IL1RAPL2: variants seen among roughly 807,000 people sequenced by gnomAD.
IL1RAPL2 encodes interleukin 1 receptor accessory protein like 2, also known as X-linked interleukin-1 receptor accessory protein-like 2.
Under a neutral mutation model 44.1 loss-of-function variants are expected in IL1RAPL2, and 3 were observed. The observed-to-expected ratio is 0.07, with a 90% CI of 0.03 to 0.18. The LOEUF (loss-of-function observed/expected upper bound fraction) is 0.18. Ranked by LOEUF, IL1RAPL2 falls within the 10% of genes least tolerant of loss-of-function variation. IL1RAPL2 has a pLI of 1.00. For missense variants in IL1RAPL2, 391 were observed against 496.4 expected (o/e 0.79, Z 2.02); for synonymous variants, 181 against 178.8 (o/e 1.01, Z -0.10).
intron 1 of IL1RAPL2, among the ~76,000 whole-genome samples, chrX:104,593,600 A>G (rs1928708867): frequency 8.9e-6 from 1 of 112,176 alleles, no homozygotes; most frequent in Non-Finnish European, 1.9e-5. Flanking sequence ...AAAATAACAT[A>G]CAAGTCTGAC....
In IL1RAPL2 at chrX:104,983,524, T is replaced by G. The variant is rs920637145; in HGVS notation, c.83-211951T>G. On this transcript the variant is annotated intron_variant, in intron 2 of 10. Coordinates refer to ENST00000372582, the MANE Select transcript of IL1RAPL2 (RefSeq NM_017416.2). ...TAATATTATATAATATTATATTAGA[T>G]ACATAATATTATATAATATTATATT... Among the ~76,000 whole-genome samples, 47 of 97,801 alleles carry G rather than the reference T, an allele frequency of 4.8e-4. 1 individual carries two copies. The highest frequency in any genetic ancestry group is 5.4e-3 in the Middle Eastern group (1 of 185). The allele number at this position is 97,801 out of a possible 115,157, so 84.9% of individuals were successfully genotyped here.
intron 2 of IL1RAPL2, among the ~76,000 whole-genome samples, chrX:104,957,372 G>A (rs954487231): frequency 8.9e-6 from 1 of 111,974 alleles, no homozygotes; most frequent in Non-Finnish European, 1.9e-5. Context: ...TCTTGTCTTT[G>A]GATGGGATCA....
In IL1RAPL2 at chrX:104,945,180, AT is replaced by A. The variant is rs777125995; in HGVS notation, c.83-250293del. On this transcript the variant is annotated intron_variant, in intron 2 of 10. Transcript: ENST00000372582. ...GTTCAATTGGCTGTGACATAAGGTA[AT>A]TGAGGTTACTAAATAAGGAAGGGTG... Among the ~76,000 whole-genome samples, 7 of 111,140 alleles carry A rather than the reference AT, an allele frequency of 6.3e-5. No individual in the cohort carries two copies. The East Asian group carries it at 2.0e-3, about 31-fold the overall frequency.
At chrX:105,678,053 G>A (rs979111859) in intron 6 of IL1RAPL2, among the ~76,000 whole-genome samples, 2 of 111,714 alleles carry the variant, frequency 1.8e-5, no homozygotes, top group Admixed American at 1.9e-4. Context: ...ACGTTATCCT[G>A]TGCCTAGTAA....
chrX:105,204,464 C>T (rs183059765), intron 3 of IL1RAPL2, among the ~76,000 whole-genome samples: 1 of 112,029 alleles, frequency 8.9e-6, no homozygotes, highest in East Asian at 2.8e-4. Flanking sequence ...ACTCTAGTCC[C>T]AGGCATGAAA....
In IL1RAPL2 at chrX:104,613,795, G is replaced by A. The variant is rs551612922; in HGVS notation, c.-19-45100G>A. On this transcript the variant is annotated intron_variant, in intron 1 of 10. Transcript: ENST00000372582. ...CAGAATTTGGATGTAAATCCATCAGGTCCAGGGCATGTTTTTTTTTTTTTT... is the reference window on the plus strand; with the variant it reads ...CAGAATTTGGATGTAAATCCATCAGATCCAGGGCATGTTTTTTTTTTTTTT... Among the ~76,000 whole-genome samples, 19 of 100,863 alleles carry A rather than the reference G, an allele frequency of 1.9e-4. No individual in the cohort carries two copies. In the South Asian group the frequency reaches 8.6e-3, roughly 46 times the overall value. The allele number at this position is 100,863 out of a possible 115,157, so 87.6% of individuals were successfully genotyped here.
At chrX:105,281,564 T>C (rs1272636193) in intron 5 of IL1RAPL2, among the ~76,000 whole-genome samples, 1 of 112,234 alleles carries the variant, frequency 8.9e-6, no homozygotes, top group Admixed American at 9.5e-5. Flanking sequence ...TATAATACTG[T>C]ATTTTTACTG....
At chrX:105,675,965 A>G (rs191463903) in intron 6 of IL1RAPL2, 1 of 111,554 alleles carries the variant, frequency 9.0e-6, no homozygotes, top group Non-Finnish European at 1.9e-5. Flanking sequence ...TTGTAGTATT[A>G]TCTGATGGTT....
intron 3 of IL1RAPL2, among the ~76,000 whole-genome samples, chrX:105,208,912 T>C (rs781793998): frequency 2.7e-5 from 3 of 111,863 alleles, no homozygotes; most frequent in East Asian, 5.6e-4. Flanking sequence ...CCATGCACAC[T>C]GTCCACACAC....
chrX:104,714,939 T>A (rs1164889418), intron 2 of IL1RAPL2, among the ~76,000 whole-genome samples: 1 of 111,393 alleles, frequency 9.0e-6, no homozygotes, highest in Non-Finnish European at 1.9e-5. Flanking sequence ...GCCTGAAGTT[T>A]TCTTTTGTTG....
intron 2 of IL1RAPL2, among the ~76,000 whole-genome samples, chrX:104,925,714 A>T (rs1466042511): frequency 9.0e-6 from 1 of 111,517 alleles, no homozygotes; most frequent in African/African-American, 3.3e-5. Flanking sequence ...TATAACAGCA[A>T]CCTATGACAA....
At chrX:104,630,788 T>C (rs1234717308) in intron 1 of IL1RAPL2, among the ~76,000 whole-genome samples, 2 of 111,311 alleles carry the variant, frequency 1.8e-5, no homozygotes, top group Non-Finnish European at 3.8e-5. Context: ...TGCATGAGCA[T>C]AGAATATTGT....
At chrX:104,988,789 T>C (rs980887870) in intron 2 of IL1RAPL2, among the ~76,000 whole-genome samples, 1 of 112,062 alleles carries the variant, frequency 8.9e-6, no homozygotes, top group Non-Finnish European at 1.9e-5. Flanking sequence ...TCTTTTCATA[T>C]GCATATGCAA....
At position 105,734,175 on chromosome X, in the gene IL1RAPL2, T is replaced by C. The variant is rs770864449; in HGVS notation, c.903-6371T>C. On this transcript the variant is annotated intron_variant, in intron 7 of 10. Coordinates refer to ENST00000372582, the MANE Select transcript of IL1RAPL2 (RefSeq NM_017416.2). ...AATCCCTTATTATTATACAGGAGCC[T>C]GATTGATGTTGTGGAACATATTTCA... 1.2e-4 allele frequency among the ~76,000 whole-genome samples: 13 copies of C among 110,521 alleles called. No individual in the cohort carries two copies. The South Asian group carries it at 5.0e-3, about 43-fold the overall frequency.
chrX:105,159,678 G>C (rs2033303651), intron 2 of IL1RAPL2, among the ~76,000 whole-genome samples: 1 of 111,796 alleles, frequency 8.9e-6, no homozygotes, highest in Non-Finnish European at 1.9e-5. Flanking sequence ...GTTCCAAACT[G>C]AAACAGTGGA....
chrX:105,703,778 A>C (rs1602530438), intron 6 of IL1RAPL2, among the ~76,000 whole-genome samples: 1 of 112,321 alleles, frequency 8.9e-6, no homozygotes, highest in East Asian at 2.8e-4. Flanking sequence ...TGGGTATCAA[A>C]TGTGTGTTTG....
At chrX:105,033,241 T>G (rs2031547981) in intron 2 of IL1RAPL2, among the ~76,000 whole-genome samples, 1 of 111,684 alleles carries the variant, frequency 9.0e-6, no homozygotes, top group Non-Finnish European at 1.9e-5. Flanking sequence ...TTAATATTAT[T>G]ATGTGTGAAT....
Position 105,604,575 on chromosome X carries a change from C to A in IL1RAPL2, c.773-112792C>A, listed in dbSNP as rs775306036. On this transcript the variant is annotated intron_variant, in intron 6 of 10. Transcript: ENST00000372582. Reference sequence around the variant, plus strand: ...GGCTTTACTGCTGAATTTTACCAAACTTTCATAGAGGAACATCTGTTCTTC... The same window carrying A: ...GGCTTTACTGCTGAATTTTACCAAAATTTCATAGAGGAACATCTGTTCTTC... Among the ~76,000 whole-genome samples the A allele has an allele frequency of 9.0e-5, 10 of 110,577 alleles. No individual in the cohort carries two copies. In the East Asian group the frequency reaches 2.9e-3, roughly 32 times the overall value.
intron 2 of IL1RAPL2, among the ~76,000 whole-genome samples, chrX:104,721,922 C>G (rs766436459): frequency 7.5e-4 from 83 of 111,383 alleles, no homozygotes; most frequent in African/African-American, 2.5e-3. Context: ...AGTGTACTTT[C>G]ATTCCTGCTT....
Sources: allele counts gnomAD v4.1 joint callset (sites outside exome capture counted in the v4.1 genomes callset), GRCh38; gene constraint gnomAD v4.1.1; transcripts MANE v1.5; gene names NCBI Gene and HGNC (gene_info 2026-07-23, HGNC 2026-07-21).